KLF15: variants seen among roughly 807,000 people sequenced by gnomAD.
KLF15 encodes KLF transcription factor 15, also known as Krueppel-like factor 15.
A neutral mutation model predicts 24.6 loss-of-function variants in KLF15; 4 were observed. The observed-to-expected ratio is 0.16, with a 90% CI of 0.08 to 0.37. The LOEUF (loss-of-function observed/expected upper bound fraction) is 0.37, where lower values mean the gene tolerates loss of function less well. Ranked by LOEUF, KLF15 falls within the 10% of genes least tolerant of loss-of-function variation. The pLI, the probability that KLF15 is intolerant of heterozygous loss-of-function variation, is 1.00. For missense variants in KLF15, 496 were observed against 560.6 expected (o/e 0.88, Z 1.16); for synonymous variants, 246 against 236.3 (o/e 1.04, Z -0.37).
the KLF15 span, among the ~76,000 whole-genome samples, chr3:126,323,408 T>TATATATATATATATATATATATAAC: frequency 3.3e-5 from 1 of 29,876 alleles, no homozygotes; most frequent in African/African-American, 2.1e-4. Context: ...AGTAGTTATA[T>TATATATATATATATATATATATAAC]ATATATATAT....
the KLF15 span, chr3:126,294,165 T>G: frequency 6.6e-6 from 1 of 152,396 alleles, no homozygotes; most frequent in Admixed American, 6.5e-5. Flanking sequence ...AGAAGTGATG[T>G]GCATTTTCGG....
the KLF15 span, among the ~76,000 whole-genome samples, chr3:126,335,190 AC>A: frequency 7.6e-6 from 1 of 131,862 alleles, no homozygotes; most frequent in Non-Finnish European, 1.6e-5. Context: ...TACTGGCAAA[AC>A]GAATCCAGCA....
the KLF15 span, among the ~76,000 whole-genome samples, chr3:126,314,733 C>T: frequency 6.6e-6 from 1 of 152,246 alleles, no homozygotes; most frequent in Non-Finnish European, 1.5e-5. Flanking sequence ...GAGGGCTAGA[C>T]ATGAGGGCCC....
chr3:126,350,284 G>C (rs2082572570), intron 2 of KLF15, among the ~76,000 whole-genome samples: 1 of 152,226 alleles, frequency 6.6e-6, no homozygotes, highest in African/African-American at 2.4e-5. Flanking sequence ...CACTCGGCAG[G>C]CCTAGGTACA....
At chr3:126,348,678 G>T (rs1442733753) in intron 2 of KLF15, among the ~76,000 whole-genome samples, 2 of 152,230 alleles carry the variant, frequency 1.3e-5, no homozygotes, top group South Asian at 2.1e-4. Context: ...AAGGGCAGGG[G>T]TCATTTGAGA....
In KLF15 at chr3:126,343,869, C is replaced by T. The variant is rs1053425534; in HGVS notation, c.1109G>A (p.Arg370Gln). The T allele has an allele frequency of 1.3e-6, 2 of 1,597,624 alleles. No individual in the cohort carries two copies. Among genetic ancestry groups the T allele is most frequent in the African/African-American group, 2.7e-5 (2 of 74,118 alleles). The change falls in exon 3 of 3, where the codon CGG (arginine) becomes CAG (glutamine). Residue 370 changes from arginine (R) to glutamine (Q), a missense_variant. Transcript: ENST00000296233. ...CACACCTGAGTGCGAGCGCCTGTGC[C>T]GCGACAGCTCGTCAGAGCGCGAGAA... ...WRFSRSDELS[R>Q]HRRSHSGVKP... is the part of the protein sequence containing the mutation.
the KLF15 span, among the ~76,000 whole-genome samples, chr3:126,297,903 T>C: frequency 1.3e-5 from 2 of 152,236 alleles, no homozygotes; most frequent in African/African-American, 2.4e-5. Context: ...TGTACTGCTA[T>C]AAACATGCGT....
At chr3:126,324,806 C>CTTTTTTTTTTTT in the KLF15 span, among the ~76,000 whole-genome samples, 3 of 59,584 alleles carry the variant, frequency 5.0e-5, no homozygotes, top group East Asian at 5.4e-4. Flanking sequence ...TTTTTTCGCT[C>CTTTTTTTTTTTT]TTTTTTTTTT....
the KLF15 span, among the ~76,000 whole-genome samples, chr3:126,313,960 G>T: frequency 6.6e-6 from 1 of 152,252 alleles, no homozygotes; most frequent in South Asian, 2.1e-4. Flanking sequence ...TTGGCACACA[G>T]CCAGGCTCAT....
chr3:126,288,516 G>A, the KLF15 span: 1 of 152,438 alleles, frequency 6.6e-6, no homozygotes, highest in African/African-American at 2.4e-5. Flanking sequence ...CTGCAGCCCA[G>A]CCTGGAAAGT....
At chr3:126,290,723 C>T in the KLF15 span, 2 of 152,196 alleles carry the variant, frequency 1.3e-5, no homozygotes, top group Non-Finnish European at 2.9e-5. Context: ...GTACGTTCTG[C>T]TTTGGAGAAG....
the KLF15 span, among the ~76,000 whole-genome samples, chr3:126,313,238 G>A: frequency 1.3e-5 from 2 of 152,194 alleles, no homozygotes; most frequent in African/African-American, 4.8e-5. Flanking sequence ...CCAGCTGCAC[G>A]GCAGAGAGAG....
At chr3:126,305,144 G>C in the KLF15 span, among the ~76,000 whole-genome samples, 1 of 152,220 alleles carries the variant, frequency 6.6e-6, no homozygotes, top group Non-Finnish European at 1.5e-5. Context: ...TAGGCCACAC[G>C]ATGAAAGCTA....
chr3:126,319,748 C>T, the KLF15 span, among the ~76,000 whole-genome samples: 1 of 152,110 alleles, frequency 6.6e-6, no homozygotes, highest in Admixed American at 6.5e-5. Flanking sequence ...AGTTATTTCT[C>T]TCCTTGGGAG....
At chr3:126,326,287 A>C in the KLF15 span, among the ~76,000 whole-genome samples, 2 of 142,954 alleles carry the variant, frequency 1.4e-5, no homozygotes, top group Non-Finnish European at 3.0e-5. Context: ...TTGACTTGGC[A>C]ATGCGGGCTC....
intron 2 of KLF15, among the ~76,000 whole-genome samples, chr3:126,348,863 G>A (rs1274132026): frequency 4.6e-5 from 7 of 152,190 alleles, no homozygotes; most frequent in African/African-American, 7.2e-5. Context: ...ACACTTAAAG[G>A]CCTCAGAAGG....
chr3:126,298,233 T>C, the KLF15 span, among the ~76,000 whole-genome samples: 350 of 152,118 alleles, frequency 2.3e-3, no homozygotes, highest in African/African-American at 7.1e-3. Flanking sequence ...TGTTTGTTGG[T>C]TGTTTGTATA....
chr3:126,339,898 C>G (rs1238359369), downstream of KLF15, among the ~76,000 whole-genome samples: 1 of 152,214 alleles, frequency 6.6e-6, no homozygotes, highest in African/African-American at 2.4e-5. Flanking sequence ...GGTTTCCCAA[C>G]CAAGGCATCT....
the KLF15 span, among the ~76,000 whole-genome samples, chr3:126,309,880 A>G: frequency 1.3e-5 from 2 of 152,246 alleles, no homozygotes; most frequent in African/African-American, 4.8e-5. Context: ...AGAGTGCTCA[A>G]TGGCCAAGGC....
Sources: allele counts gnomAD v4.1 joint callset (sites outside exome capture counted in the v4.1 genomes callset), GRCh38; gene constraint gnomAD v4.1.1; transcripts MANE v1.5; gene names NCBI Gene and HGNC (gene_info 2026-07-23, HGNC 2026-07-21).